The following PRELID2 variants were observed in gnomAD, a reference collection of about 807,000 sequenced individuals.
The protein encoded by PRELID2 is PRELI domain containing 2, also known as PRELI domain-containing protein 2.
PRELID2 carries 25 observed loss-of-function variants against 28.4 expected under a neutral mutation model. The ratio of observed to expected loss-of-function variants is 0.88; its 90% confidence interval spans 0.64 to 1.23. The LOEUF (loss-of-function observed/expected upper bound fraction) is 1.23, where lower values mean the gene tolerates loss of function less well. Among genes scored for constraint, PRELID2 ranks in the 50% most tolerant of loss-of-function variants. PRELID2 has a pLI of 0.00. For missense variants in PRELID2, 201 were observed against 214.4 expected, an observed-to-expected ratio of 0.94 and a Z score of 0.39; for synonymous variants, 76 against 71.6, an observed-to-expected ratio of 1.06 and a Z score of -0.31.
chr5:145,390,640 C>T, the PRELID2 span, among the ~76,000 whole-genome samples: 1 of 152,088 alleles, frequency 6.6e-6, no homozygotes, highest in Non-Finnish European at 1.5e-5. Context: ...TCATTCTGCC[C>T]CGGCCCCTCT....
intron 1 of PRELID2, among the ~76,000 whole-genome samples, chr5:145,629,090 C>A (rs190643926): frequency 6.6e-6 from 1 of 152,156 alleles, no homozygotes; most frequent in African/African-American, 2.4e-5. Flanking sequence ...ACTAAGTCAG[C>A]CCAGCTTTGA....
intron 5 of PRELID2, among the ~76,000 whole-genome samples, chr5:145,784,990 T>G (rs1751898698): frequency 6.6e-6 from 1 of 152,152 alleles, no homozygotes; most frequent in Non-Finnish European, 1.5e-5. Context: ...AAATATATCA[T>G]TTTTAAAAGA....
chr5:145,575,096 T>G (rs539584627), intron 1 of PRELID2, among the ~76,000 whole-genome samples: 1 of 152,296 alleles, frequency 6.6e-6, no homozygotes, highest in South Asian at 2.1e-4. Flanking sequence ...GTAGTGATGC[T>G]CTGAATCATC....
intron 1 of PRELID2, among the ~76,000 whole-genome samples, chr5:145,655,261 A>G (rs1193399695): frequency 2.0e-5 from 3 of 152,146 alleles, no homozygotes; most frequent in Non-Finnish European, 2.9e-5. Flanking sequence ...GACACAAACA[A>G]ATGGAAGAAC....
At chr5:145,393,380 C>T in the PRELID2 span, among the ~76,000 whole-genome samples, 2 of 152,090 alleles carry the variant, frequency 1.3e-5, no homozygotes, top group Non-Finnish European at 1.5e-5. Context: ...AGTAGCCTGG[C>T]TTTGGGTTTT....
At chr5:145,644,375 T>G (rs1754159726) in intron 1 of PRELID2, among the ~76,000 whole-genome samples, 1 of 152,200 alleles carries the variant, frequency 6.6e-6, no homozygotes, top group Non-Finnish European at 1.5e-5. Context: ...TTATCATTTT[T>G]TATTGCATCT....
chr5:145,372,760 T>G, the PRELID2 span, among the ~76,000 whole-genome samples: 1 of 150,436 alleles, frequency 6.6e-6, no homozygotes, highest in East Asian at 1.9e-4. Flanking sequence ...GGGATGAGTC[T>G]CCTGAATATG....
the PRELID2 span, among the ~76,000 whole-genome samples, chr5:145,370,852 C>T: frequency 4.0e-5 from 6 of 151,842 alleles, no homozygotes; most frequent in Admixed American, 3.9e-4. Flanking sequence ...AGCTGTATTC[C>T]TAGGTATTTT....
At chr5:145,791,336 T>C (rs1345476474) in intron 5 of PRELID2, among the ~76,000 whole-genome samples, 1 of 152,078 alleles carries the variant, frequency 6.6e-6, no homozygotes, top group African/African-American at 2.4e-5. Context: ...AGCCAAACCA[T>C]ATCAGGTGAC....
rs1413653064 is a variant in PRELID2, at chr5:145,491,289, A to T, written n.71-17974T>A. Among the ~76,000 whole-genome samples the T allele has an allele frequency of 2.0e-5, 3 of 152,004 alleles. No homozygotes were observed. The East Asian group carries it at 5.8e-4, about 29-fold the overall frequency. ...CTCATAGATGGTGTGTTCTGTCTCC[A>T]CTCTCACATGGTGGAAGGGCCAAGG... On this transcript the variant is annotated intron_variant and non_coding_transcript_variant, in intron 1 of 2. Coordinates refer to the PRELID2 transcript ENST00000510259.
chr5:145,622,912 TAA>T (rs1386347733), intron 1 of PRELID2, among the ~76,000 whole-genome samples: 14 of 151,970 alleles, frequency 9.2e-5, no homozygotes, highest in Non-Finnish European at 1.8e-4. Flanking sequence ...TGGCTAGATA[TAA>T]GACATATAAA....
downstream of PRELID2, among the ~76,000 whole-genome samples, chr5:145,755,807 G>C (rs1287423576): frequency 2.0e-5 from 3 of 152,094 alleles, no homozygotes; most frequent in Non-Finnish European, 4.4e-5. Context: ...ATAAATGCTG[G>C]CTGAACTTAG....
the PRELID2 span, among the ~76,000 whole-genome samples, chr5:145,355,831 T>C: frequency 6.6e-6 from 1 of 152,164 alleles, no homozygotes; most frequent in Non-Finnish European, 1.5e-5. Flanking sequence ...CTTACAGAAT[T>C]GTTTGAAAAG....
At chr5:145,715,957 AC>A (rs899567442) in intron 1 of PRELID2, among the ~76,000 whole-genome samples, 2 of 152,066 alleles carry the variant, frequency 1.3e-5, no homozygotes, top group African/African-American at 2.4e-5. Flanking sequence ...AGCTTGTCCA[AC>A]CCATGGCCCT....
the PRELID2 span, among the ~76,000 whole-genome samples, chr5:145,241,621 T>A: frequency 6.6e-6 from 1 of 151,316 alleles, no homozygotes; most frequent in Admixed American, 6.6e-5. Flanking sequence ...GGACTTGAAA[T>A]CCACTGTAGA....
the PRELID2 span, among the ~76,000 whole-genome samples, chr5:145,431,025 T>TG: frequency 2.0e-5 from 3 of 146,850 alleles, no homozygotes; most frequent in Non-Finnish European, 3.0e-5. Flanking sequence ...TTTTTTTTTT[T>TG]TTTTTTTTTT....
At chr5:145,358,426 G>A in the PRELID2 span, among the ~76,000 whole-genome samples, 20 of 151,908 alleles carry the variant, frequency 1.3e-4, no homozygotes, top group Non-Finnish European at 1.8e-4. Flanking sequence ...GGGGTCACCC[G>A]CCCTTCCATC....
chr5:145,681,946 T>C (rs1251132425), intron 1 of PRELID2, among the ~76,000 whole-genome samples: 1 of 152,214 alleles, frequency 6.6e-6, no homozygotes, highest in Non-Finnish European at 1.5e-5. Context: ...TTCATCACCA[T>C]GTCCCAGAAA....
At chr5:145,826,014 C>T in intron 1 of PRELID2, 1 of 985,256 alleles carries the variant, frequency 1.0e-6, no homozygotes, top group Non-Finnish European at 1.2e-6. Flanking sequence ...AGACAGGAGG[C>T]AGATGGCCAG....
Sources: gnomAD v4.1 joint callset for allele counts (sites outside exome capture counted in the v4.1 genomes callset) on GRCh38, gnomAD v4.1.1 for gene constraint, MANE v1.5 for transcripts, NCBI Gene and HGNC (gene_info 2026-07-23, HGNC 2026-07-21) for gene names.